Variants in ARL15 observed in about 807,000 individuals in gnomAD.
The protein encoded by ARL15 is ADP-ribosylation factor-like protein 15.
ARL15 carries 19 observed loss-of-function variants against 25.2 expected under a neutral mutation model. The observed-to-expected ratio is 0.75, with a 90% CI of 0.53 to 1.10. The LOEUF (loss-of-function observed/expected upper bound fraction) is 1.10. Among genes scored for constraint, ARL15 ranks in the 50% least tolerant of loss-of-function variants. The pLI is 0.00. For missense variants in ARL15, 220 were observed against 246.0 expected (o/e 0.89, Z 0.71); for synonymous variants, 94 against 86.8 (o/e 1.08, Z -0.46).
intron 4 of ARL15, among the ~76,000 whole-genome samples, chr5:53,897,299 G>C (rs796086071): frequency 2.0e-5 from 3 of 152,220 alleles, no homozygotes; most frequent in African/African-American, 7.2e-5. Context: ...TTTCTTCATG[G>C]ATTTGCCTAT....
chr5:54,094,904 C>T (rs1272379943), intron 4 of ARL15, among the ~76,000 whole-genome samples: 4 of 152,168 alleles, frequency 2.6e-5, no homozygotes, highest in Non-Finnish European at 4.4e-5. Flanking sequence ...ATGGATATTG[C>T]CGACTTGCTA....
intron 4 of ARL15, among the ~76,000 whole-genome samples, chr5:54,084,567 T>G (rs1056666149): frequency 1.3e-5 from 2 of 152,300 alleles, no homozygotes; most frequent in Non-Finnish European, 2.9e-5. Context: ...GGAGAAGCTG[T>G]AAGACTGCCA....
At chr5:54,145,380 C>T (rs1478296046) in intron 3 of ARL15, among the ~76,000 whole-genome samples, 3 of 152,178 alleles carry the variant, frequency 2.0e-5, no homozygotes, top group Non-Finnish European at 4.4e-5. Context: ...ATTTTTGATT[C>T]CTCAAAAGAA....
intron 4 of ARL15, among the ~76,000 whole-genome samples, chr5:54,056,506 T>C (rs1750874365): frequency 6.6e-6 from 1 of 151,674 alleles, no homozygotes; most frequent in Admixed American, 6.6e-5. Flanking sequence ...GGCGTGCCCC[T>C]GTAGTCCCAG....
chr5:54,148,318 C>T (rs921126556), intron 3 of ARL15, among the ~76,000 whole-genome samples: 1 of 152,142 alleles, frequency 6.6e-6, no homozygotes, highest in Admixed American at 6.5e-5. Context: ...GAGGCGTATT[C>T]CTCCAGGCAA....
At chr5:54,034,755 C>T (rs187270611) in intron 4 of ARL15, among the ~76,000 whole-genome samples, 2 of 152,198 alleles carry the variant, frequency 1.3e-5, no homozygotes, top group East Asian at 3.9e-4. Context: ...ACCTCCTGGG[C>T]TCAAGCAATC....
intron 4 of ARL15, 192 bp downstream of exon 4, chr5:54,113,010 C>T: frequency 1.8e-6 from 1 of 563,322 alleles, no homozygotes; most frequent in East Asian, 3.0e-5. Flanking sequence ...CTGTGCTCTC[C>T]AAGTAGGGTT....
At chr5:54,297,614 T>C (rs1398960010) in intron 1 of ARL15, among the ~76,000 whole-genome samples, 1 of 152,230 alleles carries the variant, frequency 6.6e-6, no homozygotes, top group Non-Finnish European at 1.5e-5. Flanking sequence ...GTGGAAATAA[T>C]TTTTAGTTTT....
In ARL15 at chr5:54,151,556, T is replaced by C. The variant is rs144520176; in HGVS notation, c.253+3024A>G. ...TAAGAAAACACCACATGAAAAGAAATTGATGTGAATGAGAATTTTAAGAAT... is the reference window on the plus strand; with the variant it reads ...TAAGAAAACACCACATGAAAAGAAACTGATGTGAATGAGAATTTTAAGAAT... On this transcript the variant is annotated intron_variant, in intron 3 of 4. Coordinates refer to ENST00000504924, the MANE Select transcript of ARL15 (RefSeq NM_019087.3). Among the ~76,000 whole-genome samples, 668 of 152,100 alleles carry C rather than the reference T, an allele frequency of 4.4e-3. 2 individuals are homozygous for C. The highest frequency in any genetic ancestry group is 0.011 in the African/African-American group (472 of 41,512).
chr5:54,180,130 T>C (rs147955178), intron 1 of ARL15, among the ~76,000 whole-genome samples: 2,741 of 152,132 alleles, frequency 0.018, 37 homozygotes, highest in Non-Finnish European at 0.025. Flanking sequence ...TATATGTATA[T>C]ATAAATTATA....
chr5:54,244,984 C>T (rs1385998111), intron 1 of ARL15, among the ~76,000 whole-genome samples: 1 of 151,856 alleles, frequency 6.6e-6, no homozygotes, highest in Non-Finnish European at 1.5e-5. Flanking sequence ...ATAATGATCC[C>T]AAGTAAATTT....
At chr5:54,248,776 G>A (rs1358530598) in intron 1 of ARL15, among the ~76,000 whole-genome samples, 1 of 152,184 alleles carries the variant, frequency 6.6e-6, no homozygotes, top group African/African-American at 2.4e-5. Context: ...AGTGCCTGGT[G>A]CTAGCTGTGT....
chr5:53,911,783 T>C (rs1037099299), intron 4 of ARL15, among the ~76,000 whole-genome samples: 3 of 152,178 alleles, frequency 2.0e-5, no homozygotes, highest in Non-Finnish European at 4.4e-5. Context: ...GAACATATGG[T>C]CATCTGGCAT....
intron 1 of ARL15, among the ~76,000 whole-genome samples, chr5:54,300,644 T>A (rs116382602): frequency 1.3e-5 from 2 of 152,250 alleles, no homozygotes; most frequent in Non-Finnish European, 2.9e-5. Context: ...ATCTATTCTG[T>A]TGTCATCTTC....
intron 1 of ARL15, among the ~76,000 whole-genome samples, chr5:54,235,450 A>G (rs1756776136): frequency 6.6e-6 from 1 of 151,968 alleles, no homozygotes; most frequent in Admixed American, 6.6e-5. Flanking sequence ...ACGCACGTGT[A>G]CCCATGTTTA....
intron 4 of ARL15, among the ~76,000 whole-genome samples, chr5:54,069,780 TCTC>T: frequency 6.6e-6 from 1 of 151,686 alleles, no homozygotes; most frequent in Middle Eastern, 3.4e-3. Context: ...TTCAAGCAAT[TCTC>T]CTGCCTCCGT....
At chr5:54,114,926 T>C (rs921837157) in intron 3 of ARL15, among the ~76,000 whole-genome samples, 4 of 152,210 alleles carry the variant, frequency 2.6e-5, no homozygotes, top group African/African-American at 7.2e-5. Context: ...ATTTCAGTCA[T>C]CCACTGAACA....
intron 1 of ARL15, among the ~76,000 whole-genome samples, chr5:54,278,236 A>G (rs1461305212): frequency 6.6e-6 from 1 of 152,184 alleles, no homozygotes; most frequent in Non-Finnish European, 1.5e-5. Flanking sequence ...GAGCATTCCA[A>G]AGCAATGCCC....
chr5:53,893,297 T>C (rs1481020893), intron 4 of ARL15, among the ~76,000 whole-genome samples: 2 of 150,782 alleles, frequency 1.3e-5, no homozygotes, highest in Non-Finnish European at 3.0e-5. Flanking sequence ...AAATCAGGAC[T>C]TTTTTTCTTT....
Sources: allele counts gnomAD v4.1 joint callset (sites outside exome capture counted in the v4.1 genomes callset), GRCh38; gene constraint gnomAD v4.1.1; transcripts MANE v1.5; gene names NCBI Gene and HGNC (gene_info 2026-07-23, HGNC 2026-07-21).